The following ANKFN1 variants were observed in gnomAD, a reference collection of about 807,000 sequenced individuals.
The protein encoded by ANKFN1 is ankyrin repeat and fibronectin type-III domain-containing protein 1.
A neutral mutation model predicts 108.7 loss-of-function variants in ANKFN1; 74 were observed. That is an observed-to-expected ratio of 0.68 (90% CI 0.56 to 0.83). ANKFN1 has a LOEUF of 0.83. ANKFN1 is among the 40% of genes least tolerant of loss of function. The pLI is 0.00. For missense variants in ANKFN1, 1,505 were observed against 1,382.3 expected, an observed-to-expected ratio of 1.09 and a Z score of -1.41; for synonymous variants, 547 against 516.2, an observed-to-expected ratio of 1.06 and a Z score of -0.81.
intron 4 of ANKFN1, among the ~76,000 whole-genome samples, chr17:56,344,271 T>A (rs566946187): frequency 1.7e-3 from 252 of 152,186 alleles, no homozygotes; most frequent in Non-Finnish European, 2.8e-3. Context: ...AAATCTATAT[T>A]TTTTTGTTAT....
intron 4 of ANKFN1, among the ~76,000 whole-genome samples, chr17:56,327,125 G>A (rs926869422): frequency 7.2e-5 from 11 of 152,180 alleles, no homozygotes; most frequent in Non-Finnish European, 1.5e-4. Flanking sequence ...AATCAAGACT[G>A]AATTTGCTTC....
intron 4 of ANKFN1, among the ~76,000 whole-genome samples, chr17:56,146,289 A>C (rs536849545): frequency 1.3e-5 from 2 of 152,130 alleles, no homozygotes; most frequent in African/African-American, 4.8e-5. Flanking sequence ...TTCCAGGTGC[A>C]TGGTGCAGCC....
intron 8 of ANKFN1, among the ~76,000 whole-genome samples, chr17:56,434,686 A>G (rs1193264665): frequency 1.3e-5 from 2 of 152,024 alleles, no homozygotes; most frequent in East Asian, 1.9e-4. Context: ...TTTAAAACCC[A>G]CAAGTGTTGA....
At chr17:56,139,059 A>G (rs1907766540) in intron 4 of ANKFN1, among the ~76,000 whole-genome samples, 2 of 152,220 alleles carry the variant, frequency 1.3e-5, no homozygotes, top group African/African-American at 4.8e-5. Flanking sequence ...AAGGCTAGTG[A>G]TCAGAAGCTA....
intron 18 of ANKFN1, among the ~76,000 whole-genome samples, chr17:56,487,265 A>G (rs2050885917): frequency 6.6e-6 from 1 of 152,150 alleles, no homozygotes. Flanking sequence ...ACCCCTTTGC[A>G]ATAATAAAGC....
intron 4 of ANKFN1, among the ~76,000 whole-genome samples, chr17:56,330,390 G>T (rs916132923): frequency 2.0e-5 from 3 of 152,126 alleles, no homozygotes; most frequent in African/African-American, 7.2e-5. Context: ...CCGCCCCCAC[G>T]ATTCAATTAT....
chr17:56,254,146 G>C (rs1474342409), intron 3 of ANKFN1: 2 of 152,122 alleles, frequency 1.3e-5, no homozygotes, highest in Admixed American at 1.3e-4. Flanking sequence ...ATGCTTAGAG[G>C]AGCAAAGGCA....
intron 4 of ANKFN1, among the ~76,000 whole-genome samples, chr17:56,047,627 C>T (rs1273306959): frequency 6.6e-6 from 1 of 151,978 alleles, no homozygotes; most frequent in Non-Finnish European, 1.5e-5. Context: ...CTGTCTTCTA[C>T]AAGGTATCCT....
chr17:56,177,058 A>G (rs1911226871), intron 1 of ANKFN1, among the ~76,000 whole-genome samples: 1 of 152,172 alleles, frequency 6.6e-6, no homozygotes, highest in Non-Finnish European at 1.5e-5. Flanking sequence ...TTGACTGTAG[A>G]ATCGTAGGGA....
At chr17:56,352,948 G>T (rs1292077431) in intron 5 of ANKFN1, among the ~76,000 whole-genome samples, 1 of 152,178 alleles carries the variant, frequency 6.6e-6, no homozygotes, top group African/African-American at 2.4e-5. Flanking sequence ...AGAGGCTGGG[G>T]ATGGAGAGGG....
intron 8 of ANKFN1, among the ~76,000 whole-genome samples, chr17:56,381,301 A>G (rs559027037): frequency 4.6e-5 from 7 of 152,332 alleles, no homozygotes; most frequent in African/African-American, 1.7e-4. Context: ...CACCATCATC[A>G]AAGACCAAAA....
intron 3 of ANKFN1, among the ~76,000 whole-genome samples, chr17:56,267,759 G>A (rs1055867337): frequency 2.6e-5 from 4 of 152,138 alleles, no homozygotes; most frequent in Admixed American, 6.6e-5. Context: ...CTATGTGTCT[G>A]TTTTTGTACC....
chr17:56,474,949 A>G (rs2050449520), intron 15 of ANKFN1, among the ~76,000 whole-genome samples: 1 of 152,104 alleles, frequency 6.6e-6, no homozygotes. Flanking sequence ...GTGATCTTTT[A>G]AAAAATTGTT....
chr17:56,299,041 C>T lies in ANKFN1; in HGVS notation c.54-27180C>T, dbSNP rs113382895. ...GGCAAGAGGCTATGTTGTGCAAAAA[C>T]GTACACCTTTAATCACTTTAGCACT... On this transcript the variant is annotated intron_variant, in intron 3 of 20. Transcript: ENST00000682825. 9.6e-3 allele frequency among the ~76,000 whole-genome samples: 1,461 copies of T among 152,320 alleles called. 24 individuals carry two copies. The highest frequency in any genetic ancestry group is 0.03 in the African/African-American group (1,259 of 41,570).
At chr17:56,363,645 C>G (rs565915245) in intron 6 of ANKFN1, among the ~76,000 whole-genome samples, 1 of 152,238 alleles carries the variant, frequency 6.6e-6, no homozygotes, top group Admixed American at 6.5e-5. Context: ...GCACTATTCA[C>G]AATAGCTAAG....
intron 4 of ANKFN1, among the ~76,000 whole-genome samples, chr17:56,332,945 T>C (rs1350394668): frequency 6.7e-6 from 1 of 150,294 alleles, no homozygotes; most frequent in Non-Finnish European, 1.5e-5. Context: ...ATACCTATTC[T>C]TCCAATCCAT....
intron 3 of ANKFN1, among the ~76,000 whole-genome samples, chr17:56,256,504 T>C (rs2043360823): frequency 1.3e-5 from 2 of 152,148 alleles, no homozygotes; most frequent in African/African-American, 4.8e-5. Flanking sequence ...GAGTCTCACA[T>C]TTTGAAGGTG....
Position 56,513,987 on chromosome 17 carries a change from C to T in ANKFN1, c.*2718C>T, listed in dbSNP as rs1436784599. On this transcript the variant is annotated 3_prime_UTR_variant, in exon 21 of 21. Transcript: ENST00000682825. ...ACAACTGTGTTCTCTAATTCACAGT[C>T]CTTTATTCATTTGGCCGACCTTCTA... Among the ~76,000 whole-genome samples, 1 of 152,180 alleles carries T rather than the reference C, an allele frequency of 6.6e-6. No individual in the cohort carries two copies. The highest frequency in any genetic ancestry group is 2.4e-5 in the African/African-American group (1 of 41,436).
At chr17:56,385,460 A>C (rs1470269841) in intron 8 of ANKFN1, among the ~76,000 whole-genome samples, 3 of 152,188 alleles carry the variant, frequency 2.0e-5, no homozygotes, top group South Asian at 2.1e-4. Flanking sequence ...AAAAGTCAAA[A>C]TTGACAAATG....
Sources: gnomAD v4.1 joint callset for allele counts (sites outside exome capture counted in the v4.1 genomes callset) on GRCh38, gnomAD v4.1.1 for gene constraint, MANE v1.5 for transcripts, NCBI Gene and HGNC (gene_info 2026-07-23, HGNC 2026-07-21) for gene names.